SLC44A5: variants seen among roughly 807,000 people sequenced by gnomAD.
SLC44A5 encodes choline transporter-like protein 5.
SLC44A5 carries 57 observed loss-of-function variants against 101.8 expected under a neutral mutation model. The observed-to-expected ratio is 0.56, with a 90% CI of 0.45 to 0.70. The LOEUF is 0.70. SLC44A5 is among the 30% of genes least tolerant of loss of function. The pLI, the probability that SLC44A5 is intolerant of heterozygous loss-of-function variation, is 0.00. For synonymous variants in SLC44A5, 281 were observed against 290.9 expected, an observed-to-expected ratio of 0.97 and a Z score of 0.35; for missense variants, 737 against 853.1, an observed-to-expected ratio of 0.86 and a Z score of 1.70.
chr1:75,439,332 CTGTGGTAACA>C (rs2101620835), intron 2 of SLC44A5, among the ~76,000 whole-genome samples: 1 of 152,162 alleles, frequency 6.6e-6, no homozygotes, highest in South Asian at 2.1e-4. Context: ...GTTGACTAGT[CTGTGGTAACA>C]TGTGGTAAAA....
the SLC44A5 span, among the ~76,000 whole-genome samples, chr1:75,696,678 G>A: frequency 3.9e-5 from 6 of 151,972 alleles, no homozygotes; most frequent in African/African-American, 1.5e-4. Flanking sequence ...GGGAGACCAC[G>A]AGGTCAGGAG....
At chr1:75,531,838 A>G (rs2101921662) in intron 2 of SLC44A5, among the ~76,000 whole-genome samples, 1 of 152,020 alleles carries the variant, frequency 6.6e-6, no homozygotes, top group African/African-American at 2.4e-5. Flanking sequence ...TGTGTGGTAA[A>G]TAGATTAAGA....
chr1:75,482,509 G>A (rs1215268421), intron 2 of SLC44A5, among the ~76,000 whole-genome samples: 1 of 152,120 alleles, frequency 6.6e-6, no homozygotes, highest in Non-Finnish European at 1.5e-5. Flanking sequence ...GTGTGTGTGT[G>A]AGTTTGTGCA....
chr1:75,615,953 G>A (rs929270997), upstream of SLC44A5: 8 of 902,810 alleles, frequency 8.9e-6, no homozygotes, highest in Non-Finnish European at 6.6e-6. Context: ...GCTCCCAGGC[G>A]AGCCCTCGCC....
chr1:75,692,457 A>G, the SLC44A5 span, among the ~76,000 whole-genome samples: 1 of 152,036 alleles, frequency 6.6e-6, no homozygotes, highest in Non-Finnish European at 1.5e-5. Context: ...AGCCTCCCAA[A>G]GTGCTGGGAT....
intron 6 of SLC44A5, among the ~76,000 whole-genome samples, chr1:75,253,166 C>T (rs1410415801): frequency 6.6e-6 from 1 of 152,198 alleles, no homozygotes; most frequent in Non-Finnish European, 1.5e-5. Flanking sequence ...CATCCCTTTT[C>T]TTCTCTTTCC....
chr1:75,438,440 G>A (rs1407154233), intron 2 of SLC44A5, among the ~76,000 whole-genome samples: 1 of 152,044 alleles, frequency 6.6e-6, no homozygotes, highest in African/African-American at 2.4e-5. Context: ...CAATATCCAA[G>A]CATCTCTATA....
intron 6 of SLC44A5, among the ~76,000 whole-genome samples, chr1:75,273,427 T>C (rs949710446): frequency 6.6e-6 from 1 of 152,074 alleles, no homozygotes; most frequent in African/African-American, 2.4e-5. Flanking sequence ...AATAGAAGTG[T>C]TGCATGTAGA....
At chr1:75,530,663 T>G (rs1287783045) in intron 2 of SLC44A5, among the ~76,000 whole-genome samples, 1 of 152,216 alleles carries the variant, frequency 6.6e-6, no homozygotes, top group East Asian at 1.9e-4. Context: ...CTAATTGCTC[T>G]CAGTACTACC....
chr1:75,610,770 A>G (rs1467922806), intron 1 of SLC44A5, among the ~76,000 whole-genome samples: 1 of 152,110 alleles, frequency 6.6e-6, no homozygotes, highest in Non-Finnish European at 1.5e-5. Flanking sequence ...ACTTTTTAGA[A>G]AAGTGAAGTC....
At chr1:75,460,183 G>A (rs1357281337) in intron 2 of SLC44A5, among the ~76,000 whole-genome samples, 1 of 152,146 alleles carries the variant, frequency 6.6e-6, no homozygotes, top group African/African-American at 2.4e-5. Context: ...TTGAACTCTG[G>A]AACTCTGAGG....
the SLC44A5 span, among the ~76,000 whole-genome samples, chr1:75,722,419 T>C: frequency 1.3e-5 from 2 of 152,248 alleles, no homozygotes; most frequent in African/African-American, 4.8e-5. Flanking sequence ...GGAGGCTATA[T>C]GAGTAAGCAG....
At chr1:75,691,661 G>A in the SLC44A5 span, among the ~76,000 whole-genome samples, 9 of 152,202 alleles carry the variant, frequency 5.9e-5, no homozygotes, top group Non-Finnish European at 1.2e-4. Context: ...TGGGAGCTAA[G>A]TTGACCCACC....
chr1:75,409,934 A>G (rs1184130668), intron 2 of SLC44A5, among the ~76,000 whole-genome samples: 1 of 151,544 alleles, frequency 6.6e-6, no homozygotes, highest in Non-Finnish European at 1.5e-5. Context: ...ATACATACAT[A>G]TATACTTGCA....
the SLC44A5 span, among the ~76,000 whole-genome samples, chr1:75,696,086 G>A: frequency 6.6e-6 from 1 of 151,972 alleles, no homozygotes; most frequent in South Asian, 2.1e-4. Context: ...TCCAAATGTT[G>A]GTGGCTTTAG....
intron 2 of SLC44A5, among the ~76,000 whole-genome samples, chr1:75,416,306 A>C (rs1246946957): frequency 2.1e-5 from 3 of 143,316 alleles, no homozygotes; most frequent in Non-Finnish European, 4.6e-5. Flanking sequence ...AGAGGATGCA[A>C]GCCCCAAACC....
At chr1:75,504,779 G>C (rs1013137819) in intron 2 of SLC44A5, among the ~76,000 whole-genome samples, 2 of 152,070 alleles carry the variant, frequency 1.3e-5, no homozygotes, top group East Asian at 3.8e-4. Flanking sequence ...AAAGTTTTCT[G>C]TAACTAGGGA....
intron 13 of SLC44A5, among the ~76,000 whole-genome samples, chr1:75,224,155 A>G (rs1647147271): frequency 6.6e-6 from 1 of 152,158 alleles, no homozygotes; most frequent in African/African-American, 2.4e-5. Flanking sequence ...AAAAATTCCT[A>G]TTGCCCAGTG....
At chr1:75,461,424 T>C (rs979127713) in intron 2 of SLC44A5, among the ~76,000 whole-genome samples, 1 of 152,192 alleles carries the variant, frequency 6.6e-6, no homozygotes, top group East Asian at 1.9e-4. Flanking sequence ...ATATTATTAG[T>C]TCACTGGAGT....
Sources: allele counts gnomAD v4.1 joint callset (sites outside exome capture counted in the v4.1 genomes callset), GRCh38; gene constraint gnomAD v4.1.1; transcripts MANE v1.5; gene names NCBI Gene and HGNC (gene_info 2026-07-23, HGNC 2026-07-21).